The following PLEK2 variants were observed in gnomAD, a reference collection of about 807,000 sequenced individuals.
PLEK2 encodes pleckstrin 2.
A neutral mutation model predicts 43.8 loss-of-function variants in PLEK2; 29 were observed. The ratio of observed to expected loss-of-function variants is 0.66; its 90% confidence interval spans 0.49 to 0.90. The LOEUF is 0.90. PLEK2 is among the 40% of genes least tolerant of loss of function. The probability of loss-of-function intolerance (pLI) is 0.00; values close to 1 mark genes in which losing one functional copy is unlikely to be tolerated. For synonymous variants in PLEK2, 162 were observed against 173.2 expected, an observed-to-expected ratio of 0.94 and a Z score of 0.51; for missense variants, 398 against 448.1, an observed-to-expected ratio of 0.89 and a Z score of 1.01.
At chr14:67,397,607 G>C (rs1024830864) in intron 2 of PLEK2, 55 bp downstream of exon 2, 12 of 1,465,542 alleles carry the variant, frequency 8.2e-6, no homozygotes, top group South Asian at 1.3e-5. Flanking sequence ...AAAGAGGCCA[G>C]AGGTGGGAAG....
Position 67,392,718 on chromosome 14 carries a change from G to T in PLEK2, c.613C>A (p.Arg205Ser), listed in dbSNP as rs758028918. Residue 205 changes from arginine to serine, a missense_variant, in exon 5 of 9, where the codon CGC becomes AGC. Arg to Ser is a moderately radical substitution (Grantham distance 110, BLOSUM62 -1). Coordinates refer to ENST00000216446, the MANE Select transcript of PLEK2 (RefSeq NM_016445.3). ...AACTGCTCGGCCAGATCCCCAGAGC[G>T]AATGGCTCCCATGCTTCGGACACCC... The part of the protein sequence containing the change: ...PVGVRSMGAI[R>S]SGDLAEQFLD... 6.2e-7 allele frequency: 1 copy of T among 1,614,174 alleles called. No individual in the cohort carries two copies. The highest frequency in any genetic ancestry group is 1.1e-5 in the South Asian group (1 of 91,080).
chr14:67,412,063 G>A lies in PLEK2; in HGVS notation c.-4C>T. On this transcript the variant is annotated 5_prime_UTR_variant, in exon 1 of 9. Coordinates refer to ENST00000216446, the MANE Select transcript of PLEK2 (RefSeq NM_016445.3). ...CCTTGAGCACGCCGTCCTCCATGTC[G>A]CCGCCCGCACGCCAGGGCCACCCCA... is the stretch of plus-strand genomic sequence containing the variant. The A allele has an allele frequency of 6.5e-7, 1 of 1,546,778 alleles. No homozygotes were observed. Among genetic ancestry groups the A allele is most frequent in the Non-Finnish European group, 8.7e-7 (1 of 1,149,906 alleles).
At chr14:67,405,881 C>A (rs553893102) in intron 1 of PLEK2, among the ~76,000 whole-genome samples, 1 of 152,186 alleles carries the variant, frequency 6.6e-6, no homozygotes, top group African/African-American at 2.4e-5. Flanking sequence ...TGCAGCCTCA[C>A]GAGAGACCCT....
In PLEK2 at chr14:67,397,782, C is replaced by T. The variant is rs1204953484; in HGVS notation, c.87G>A (p.Arg29=). 2 of 1,612,980 alleles carry T rather than the reference C, an allele frequency of 1.2e-6. No homozygotes were observed. Among genetic ancestry groups the T allele is most frequent in the African/African-American group, 1.3e-5 (1 of 74,910 alleles). Residue 29 remains arginine (R), a synonymous_variant, in exon 2 of 9, where the codon CGG becomes CGA. Coordinates refer to ENST00000216446, the MANE Select transcript of PLEK2 (RefSeq NM_016445.3). ...HNWKARWFIL[R]QNTLVYYKLE... The stretch of plus-strand genomic sequence containing the variant: ...GCTTGTAGTACACCAGCGTGTTCTG[C>T]CGAAGGATGAACCATCGCGCCTTCC...
At chr14:67,389,555 T>C (rs1698752564) in intron 7 of PLEK2, among the ~76,000 whole-genome samples, 1 of 152,176 alleles carries the variant, frequency 6.6e-6, no homozygotes, top group Non-Finnish European at 1.5e-5. Flanking sequence ...CATCTATGTA[T>C]GTATATGAGC....
intron 1 of PLEK2, among the ~76,000 whole-genome samples, chr14:67,399,635 A>G (rs113929444): frequency 0.076 from 9,505 of 125,006 alleles, 675 homozygotes; most frequent in East Asian, 0.28. Flanking sequence ...AGAGAAGGGT[A>G]GTTTAGGTGG....
chr14:67,387,499 C>T (rs2085935333), intron 8 of PLEK2, 43 bp from the exon 9 acceptor site: 1 of 1,586,686 alleles, frequency 6.3e-7, no homozygotes, highest in Non-Finnish European at 8.6e-7. Context: ...ATTGAATAGC[C>T]ATGTCTGCTT....
intron 1 of PLEK2, 91 bp from the exon 2 acceptor site, chr14:67,397,917 A>T: frequency 9.6e-7 from 1 of 1,040,880 alleles, no homozygotes; most frequent in South Asian, 1.7e-5. Flanking sequence ...AAGTAACCAG[A>T]CTGTGCTGTG....
At chr14:67,388,161 A>AT in intron 8 of PLEK2, 63 bp downstream of exon 8, 1 of 1,010,140 alleles carries the variant, frequency 9.9e-7, no homozygotes, top group Non-Finnish European at 1.6e-6. Context: ...TTAGTGGGAC[A>AT]TTACTGAGGT....
chr14:67,388,197 C>A, intron 8 of PLEK2, 27 bp downstream of exon 8: 1 of 1,524,952 alleles, frequency 6.6e-7, no homozygotes, highest in Non-Finnish European at 9.1e-7. Flanking sequence ...CTGAGATCTT[C>A]AGGCCAGGGC....
chr14:67,397,741 C>G lies in PLEK2; in HGVS notation c.128G>C (p.Arg43Thr), dbSNP rs1053741962. ...GATCCGGCCCTTGGGAGGGGTCACTCTCCGACCCCCCTCAAGCTTGTAGTA... is the reference window on the plus strand; with the variant it reads ...GATCCGGCCCTTGGGAGGGGTCACTGTCCGACCCCCCTCAAGCTTGTAGTA... ...LVYYKLEGGRRVTPPKGRILL... is the reference protein window; with the variant it reads ...LVYYKLEGGRTVTPPKGRILL... The change falls in exon 2 of 9, where the codon AGA becomes ACA. Residue 43 changes from arginine to threonine, a missense_variant. Physicochemically the swap from Arg to Thr is moderately conservative, Grantham distance 71. Coordinates refer to ENST00000216446, the MANE Select transcript of PLEK2 (RefSeq NM_016445.3). The G allele has an allele frequency of 6.2e-7, 1 of 1,613,306 alleles. No individual in the cohort carries two copies.
chr14:67,407,343 G>A (rs1380688949), intron 1 of PLEK2, among the ~76,000 whole-genome samples: 2 of 151,848 alleles, frequency 1.3e-5, no homozygotes, highest in Admixed American at 6.6e-5. Flanking sequence ...GGCTGGTCTC[G>A]AACTCCTGAC....
Position 67,387,406 on chromosome 14 carries a change from C to T in PLEK2, c.985G>A (p.Asp329Asn), listed in dbSNP as rs570068767. The change falls in exon 9 of 9, where the codon GAC (aspartate) becomes AAC (asparagine). Residue 329 changes from aspartate (D) to asparagine (N), a missense_variant. Coordinates refer to ENST00000216446, the MANE Select transcript of PLEK2 (RefSeq NM_016445.3). ...GNLFKVITKD[D>N]THYYIQASSK... ...CTGGCCTGAATGTAATAGTGTGTGT[C>T]ATCCTTAGTAATCACTTTGAAGAGG... 6.2e-7 allele frequency: 1 copy of T among 1,610,544 alleles called. No homozygotes were observed. The highest frequency in any genetic ancestry group is 1.3e-5 in the African/African-American group (1 of 74,816).
At chr14:67,392,889 C>A in intron 4 of PLEK2, 40 bp from the exon 5 acceptor site, 1 of 1,530,854 alleles carries the variant, frequency 6.5e-7, no homozygotes, top group Non-Finnish European at 8.9e-7. Context: ...GGGTGATGGA[C>A]CAGCGTCCTT....
intron 6 of PLEK2, among the ~76,000 whole-genome samples, chr14:67,391,278 T>TGTGC (rs1360776906): frequency 1.3e-5 from 2 of 149,434 alleles, no homozygotes; most frequent in African/African-American, 5.1e-5. Context: ...GATATGTGTG[T>TGTGC]GTGTGTGTGT....
At chr14:67,398,667 C>A (rs1009333936) in intron 1 of PLEK2, among the ~76,000 whole-genome samples, 2 of 152,086 alleles carry the variant, frequency 1.3e-5, no homozygotes, top group African/African-American at 4.8e-5. Flanking sequence ...CTGAGAACCA[C>A]CTAAACTACT....
Position 67,397,692 on chromosome 14 carries a change from G to C in PLEK2, c.177C>G (p.Thr59=), listed in dbSNP as rs756031250. The C allele has an allele frequency of 2.5e-6, 4 of 1,613,354 alleles. No homozygotes were observed. The highest frequency in any genetic ancestry group is 3.4e-6 in the Non-Finnish European group (4 of 1,179,646). ...GGTTTTCATACTCCAGGCAGGGGCA[G>C]GTGATGGTGCAGCCATCCAGGAGGA... ...GRILLDGCTI[T]CPCLEYENRP... Residue 59 remains threonine (T), a synonymous_variant, in exon 2 of 9, where the codon ACC becomes ACG. Coordinates refer to ENST00000216446, the MANE Select transcript of PLEK2 (RefSeq NM_016445.3).
rs771153289 is a variant in PLEK2 at position 67,397,752 on chromosome 14, C to G, written c.117G>C (p.Glu39Asp). The change falls in exon 2 of 9, where the codon GAG becomes GAC. Residue 39 changes from glutamate (E) to aspartate (D), a missense_variant. Transcript: ENST00000216446. The part of the protein sequence containing the change: ...RQNTLVYYKL[E>D]GGRRVTPPKG... ...TGGGAGGGGTCACTCTCCGACCCCC[C>G]TCAAGCTTGTAGTACACCAGCGTGT... The G allele has an allele frequency of 5.0e-6, 8 of 1,613,576 alleles. No homozygotes were observed. Among genetic ancestry groups the G allele is most frequent in the Non-Finnish European group, 6.8e-6 (8 of 1,179,750 alleles).
intron 1 of PLEK2, among the ~76,000 whole-genome samples, chr14:67,406,157 G>A (rs1482247522): frequency 6.6e-6 from 1 of 151,876 alleles, no homozygotes. Flanking sequence ...TACTCAGGAG[G>A]CTGAGACACA....
Sources: gnomAD v4.1 joint callset for allele counts (sites outside exome capture counted in the v4.1 genomes callset) on GRCh38, gnomAD v4.1.1 for gene constraint, MANE v1.5 for transcripts, NCBI Gene and HGNC (gene_info 2026-07-23, HGNC 2026-07-21) for gene names.